The following PHKA1 variants were observed in gnomAD, a reference collection of about 807,000 sequenced individuals.
PHKA1 encodes phosphorylase kinase regulatory subunit alpha 1.
A neutral mutation model predicts 110.2 loss-of-function variants in PHKA1; 60 were observed. That is an observed-to-expected ratio of 0.54 (90% confidence interval 0.44 to 0.68). The LOEUF (loss-of-function observed/expected upper bound fraction) is 0.68. Ranked by LOEUF, PHKA1 falls within the 30% of genes least tolerant of loss-of-function variation. The pLI is 0.00. For synonymous variants in PHKA1, 316 were observed against 333.6 expected, an observed-to-expected ratio of 0.95 and a Z score of 0.58; for missense variants, 801 against 942.5, an observed-to-expected ratio of 0.85 and a Z score of 1.97.
chrX:72,640,925 T>C (rs1556294931), intron 14 of PHKA1, among the ~76,000 whole-genome samples: 1 of 111,484 alleles, frequency 9.0e-6, no homozygotes, highest in Non-Finnish European at 1.9e-5. Context: ...TAAGTCTCAC[T>C]GATAAAAGCT....
At position 72,666,317 on chromosome X, in the gene PHKA1, G is replaced by GTT; in HGVS notation, c.718-22_718-21dup. The GTT allele has an allele frequency of 8.4e-7, 1 of 1,186,123 alleles. No homozygotes were observed. The highest frequency in any genetic ancestry group is 1.1e-6 in the Non-Finnish European group (1 of 873,013). On this transcript the variant is annotated intron_variant, in intron 7 of 31. Transcript: ENST00000373542. ...GATAGACTAAGAGAAAAGAAGTTAAGTTTATATAAAAGGATGTATTTCTTC... is the reference window on the plus strand; with the variant it reads ...GATAGACTAAGAGAAAAGAAGTTAAGTTTTTATATAAAAGGATGTATTTCTTC...
chrX:72,675,388 A>T (rs1205771731), intron 6 of PHKA1, among the ~76,000 whole-genome samples: 2 of 110,863 alleles, frequency 1.8e-5, no homozygotes, highest in African/African-American at 6.5e-5. Flanking sequence ...TATTTTGCTC[A>T]TCCTTCTGTT....
Position 72,696,731 on chromosome X carries a change from G to A in PHKA1, c.286-855C>T, listed in dbSNP as rs559873732. 5.4e-5 allele frequency among the ~76,000 whole-genome samples: 6 copies of A among 111,791 alleles called. No individual in the cohort carries two copies. In the South Asian group the frequency reaches 1.5e-3, roughly 29 times the overall value. ...GACCTCCTGAAGCTGTGTCATGGGC[G>A]CATCTTCAACTTTGGCAAAATAAAC... On this transcript the variant is annotated intron_variant, in intron 3 of 31. Transcript: ENST00000373542.
chrX:72,639,221 C>T (rs2053265774), intron 14 of PHKA1, among the ~76,000 whole-genome samples: 1 of 111,923 alleles, frequency 8.9e-6, no homozygotes, highest in South Asian at 3.7e-4. Context: ...CCCTTGTGTA[C>T]TTGTACGAAT....
chrX:72,648,846 T>C (rs985065748), intron 13 of PHKA1, among the ~76,000 whole-genome samples: 6 of 112,321 alleles, frequency 5.3e-5, no homozygotes, highest in Middle Eastern at 4.7e-3. Flanking sequence ...GAAAGAGCCT[T>C]AAAGTTTGGT....
At chrX:72,642,369 G>C (rs1603262208) in intron 14 of PHKA1, among the ~76,000 whole-genome samples, 1 of 111,581 alleles carries the variant, frequency 9.0e-6, no homozygotes, top group Admixed American at 9.6e-5. Flanking sequence ...TTTTGAGTGA[G>C]AGCCAGAGAG....
chrX:72,611,242 T>C, intron 21 of PHKA1, 58 bp from the exon 22 acceptor site: 1 of 962,675 alleles, frequency 1.0e-6, no homozygotes, highest in Non-Finnish European at 1.5e-6. Flanking sequence ...GCAATCATCT[T>C]TTCTTTCAGT....
intron 3 of PHKA1, 25 bp from the exon 4 acceptor site, chrX:72,695,901 G>A: frequency 8.6e-7 from 1 of 1,166,510 alleles, no homozygotes; most frequent in Non-Finnish European, 1.2e-6. Flanking sequence ...AACATTAAAA[G>A]AAGGATATAC....
Position 72,603,221 on chromosome X carries a change from C to G in PHKA1, c.2816-1G>C. 8.6e-7 allele frequency: 1 copy of G among 1,157,027 alleles called. No homozygotes were observed. The highest frequency in any genetic ancestry group is 1.8e-5 in the African/African-American group (1 of 56,883). On this transcript the variant is annotated splice_acceptor_variant, in intron 25 of 31. Transcript: ENST00000373542. LOFTEE classifies it high-confidence loss of function. ...ATCAGGCCCTCTGTGGCTTCCTCAG[C>G]TAGTCAGCAGAAATGTTAGAACAGA...
chrX:72,622,283 G>C (rs2052990426), intron 18 of PHKA1: 1 of 751,785 alleles, frequency 1.3e-6, no homozygotes. Context: ...CTCACTGAGG[G>C]CAGCAAATTT....
intron 9 of PHKA1, among the ~76,000 whole-genome samples, chrX:72,656,510 G>GT (rs1421459772): frequency 1.3e-4 from 15 of 112,385 alleles, no homozygotes; most frequent in Admixed American, 1.3e-3. Context: ...TATTTGTTAA[G>GT]TTTTTTGTAA....
At chrX:72,604,534 G>A (rs1409902241) in intron 25 of PHKA1, among the ~76,000 whole-genome samples, 1 of 111,850 alleles carries the variant, frequency 8.9e-6, no homozygotes, top group African/African-American at 3.2e-5. Flanking sequence ...CTTGTTAACA[G>A]CTTGATTAAA....
chrX:72,688,986 G>T lies in PHKA1; in HGVS notation c.455-4406C>A, dbSNP rs2054000988. On this transcript the variant is annotated intron_variant, in intron 4 of 31. Coordinates refer to ENST00000373542, the MANE Select transcript of PHKA1 (RefSeq NM_002637.4). ...CTGTAGAGCCCAGACACTGCTTGTC[G>T]AACAAAGAATGCAGAGGTGAGTACA... is the stretch of plus-strand genomic sequence containing the variant. 3 of 111,510 alleles carry T rather than the reference G, an allele frequency of 2.7e-5. No individual in the cohort carries two copies. The Admixed American group carries it at 2.9e-4, about 11-fold the overall frequency. The allele number at this position is 111,510 out of a possible 1,213,427, so 9.2% of individuals were successfully genotyped here.
Position 72,623,294 on chromosome X carries a change from T to C in PHKA1, c.1794-19A>G. 1 of 1,178,699 alleles carries C rather than the reference T, an allele frequency of 8.5e-7. No homozygotes were observed. The highest frequency in any genetic ancestry group is 1.2e-6 in the Non-Finnish European group (1 of 867,204). On this transcript the variant is annotated intron_variant, in intron 17 of 31. Transcript: ENST00000373542. The stretch of plus-strand genomic sequence containing the variant: ...TTGAACCCTAAAAATTAGAGGAGGA[T>C]AGAAAACAGAAAATCAGGGGTGATC...
chrX:72,667,293 TATCCTTA>T (rs1326873884), intron 7 of PHKA1, 75 bp downstream of exon 7: 1 of 677,376 alleles, frequency 1.5e-6, no homozygotes, highest in Middle Eastern at 2.9e-4. Context: ...CTCATTCAGC[TATCCTTA>T]ATCTAAAGCT....
At chrX:72,673,422 C>T (rs1386927620) in intron 6 of PHKA1, among the ~76,000 whole-genome samples, 1 of 111,431 alleles carries the variant, frequency 9.0e-6, no homozygotes, top group Non-Finnish European at 1.9e-5. Context: ...TTATAACTTT[C>T]CTCTAAGTCA....
Position 72,582,420 on chromosome X carries a change from T to C in PHKA1, c.3476A>G (p.Asn1159Ser), listed in dbSNP as rs1322560945. The C allele has an allele frequency of 2.5e-6, 3 of 1,202,224 alleles. No individual in the cohort carries two copies. The highest frequency in any genetic ancestry group is 4.3e-5 in the Admixed American group (2 of 46,027). The change falls in exon 31 of 32, where the codon AAT (asparagine) becomes AGT (serine). Residue 1159 changes from asparagine to serine, a missense_variant. By Grantham distance (46) the Asn-to-Ser change is conservative. Around this residue, in one of 2 missense-constraint regions of PHKA1, gnomAD observed 502 missense variants for 519.2 expected, o/e 0.97. Transcript: ENST00000373542. ...IAVEKIVHIA[N>S]DLFLQEQKTL... ...TACCTGTTCTTGAAGGAACAAGTCATTGGCAATATGCACTATTTTTTCCAC... is the reference window on the plus strand; with the variant it reads ...TACCTGTTCTTGAAGGAACAAGTCACTGGCAATATGCACTATTTTTTCCAC...
At chrX:72,599,425 C>T (rs1556239037) in intron 28 of PHKA1, among the ~76,000 whole-genome samples, 1 of 111,504 alleles carries the variant, frequency 9.0e-6, no homozygotes, top group Admixed American at 9.5e-5. Flanking sequence ...TTAATATTTA[C>T]TAAATGAATT....
chrX:72,661,706 C>A (rs2053560809), intron 8 of PHKA1, among the ~76,000 whole-genome samples: 1 of 101,456 alleles, frequency 9.9e-6, no homozygotes, highest in Non-Finnish European at 2.0e-5. Flanking sequence ...AAACCCTAGG[C>A]CATGTTCATT....
Sources: allele counts gnomAD v4.1 joint callset (sites outside exome capture counted in the v4.1 genomes callset), GRCh38; gene constraint gnomAD v4.1.1; regional missense constraint gnomAD v4.1.1; transcripts MANE v1.5; gene names NCBI Gene and HGNC (gene_info 2026-07-23, HGNC 2026-07-21).